The following CDH13 variants were observed in gnomAD, a reference collection of about 807,000 sequenced individuals.
CDH13 encodes cadherin 13.
A neutral mutation model predicts 63.8 loss-of-function variants in CDH13; 24 were observed. That is an observed-to-expected ratio of 0.38 (90% CI 0.27 to 0.53). CDH13 has a LOEUF of 0.53. Among genes scored for constraint, CDH13 ranks in the 20% least tolerant of loss-of-function variants. CDH13 has a pLI of 0.85. For synonymous variants in CDH13, 503 were observed against 355.3 expected, an observed-to-expected ratio of 1.42 and a Z score of -4.67; for missense variants, 1,049 against 903.1, an observed-to-expected ratio of 1.16 and a Z score of -2.07.
At chr16:83,212,085 A>G (rs1477462686) in intron 4 of CDH13, among the ~76,000 whole-genome samples, 2 of 152,032 alleles carry the variant, frequency 1.3e-5, no homozygotes, top group Non-Finnish European at 2.9e-5. Context: ...GATTTCTTAT[A>G]TTTCTTGACA....
rs542428268 is a variant in CDH13 at position 83,273,238 on chromosome 16, T to C, written c.636+55741T>C. 8.7e-4 allele frequency among the ~76,000 whole-genome samples: 132 copies of C among 152,256 alleles called. 1 individual carries two copies. The South Asian group carries it at 9.8e-3, about 11-fold the overall frequency. On this transcript the variant is annotated intron_variant, in intron 5 of 13. Coordinates refer to ENST00000567109, the MANE Select transcript of CDH13 (RefSeq NM_001257.5). ...TGTGCAGGTTTGTTACGTGTATAAA[T>C]TGCATGTCACAGAGGTTTGGTGTAC...
chr16:83,682,260 C>T (rs562870481), intron 10 of CDH13, among the ~76,000 whole-genome samples: 106 of 152,228 alleles, frequency 7.0e-4, no homozygotes, highest in South Asian at 1.7e-3. Context: ...AGACCCACAC[C>T]AGGGAGGCTC....
chr16:83,229,123 A>G (rs969593811), intron 5 of CDH13, among the ~76,000 whole-genome samples: 1 of 152,228 alleles, frequency 6.6e-6, no homozygotes, highest in Non-Finnish European at 1.5e-5. Context: ...ACTCTAAGGA[A>G]GCCTCAGCCT....
At chr16:83,195,814 C>T (rs781005502) in intron 4 of CDH13, among the ~76,000 whole-genome samples, 5 of 152,190 alleles carry the variant, frequency 3.3e-5, no homozygotes, top group Admixed American at 1.3e-4. Flanking sequence ...GATACAGCCA[C>T]ACAAACGTGT....
intron 1 of CDH13, among the ~76,000 whole-genome samples, chr16:82,757,265 C>CT (rs547238217): frequency 1.2e-3 from 186 of 152,294 alleles, no homozygotes; most frequent in Middle Eastern, 0.01. Context: ...GATGTACGCA[C>CT]TTTGAAGATA....
intron 6 of CDH13, among the ~76,000 whole-genome samples, chr16:83,437,369 A>G (rs938666878): frequency 6.6e-6 from 1 of 152,186 alleles, no homozygotes; most frequent in Non-Finnish European, 1.5e-5. Context: ...AATAATGTAC[A>G]TATTCGATTA....
intron 2 of CDH13, among the ~76,000 whole-genome samples, chr16:82,909,075 A>G (rs1358608883): frequency 6.6e-6 from 1 of 152,182 alleles, no homozygotes; most frequent in Non-Finnish European, 1.5e-5. Flanking sequence ...TCATCTCTAG[A>G]TTACTTATGA....
intron 8 of CDH13, among the ~76,000 whole-genome samples, chr16:83,653,849 G>T (rs1005102493): frequency 4.3e-4 from 66 of 152,170 alleles, no homozygotes; most frequent in African/African-American, 1.4e-3. Context: ...CCGCTGCTGT[G>T]TCCGGCATTA....
chr16:82,672,000 A>C (rs1402659584), intron 1 of CDH13, among the ~76,000 whole-genome samples: 1 of 152,176 alleles, frequency 6.6e-6, no homozygotes, highest in African/African-American at 2.4e-5. Context: ...TGCTTTGGAA[A>C]GAATGGCATC....
At chr16:82,700,533 G>A (rs1389006931) in intron 1 of CDH13, among the ~76,000 whole-genome samples, 1 of 151,974 alleles carries the variant, frequency 6.6e-6, no homozygotes, top group African/African-American at 2.4e-5. Flanking sequence ...GTGTGTGTGT[G>A]TGTGTGTGTG....
intron 2 of CDH13, among the ~76,000 whole-genome samples, chr16:82,890,713 A>C (rs1303960411): frequency 2.7e-5 from 4 of 148,194 alleles, no homozygotes; most frequent in African/African-American, 1.0e-4. Flanking sequence ...GTGCAATGGC[A>C]TGATCTTGGC....
chr16:83,070,832 A>G (rs2032375329), intron 3 of CDH13, among the ~76,000 whole-genome samples: 1 of 146,302 alleles, frequency 6.8e-6, no homozygotes, highest in African/African-American at 2.5e-5. Flanking sequence ...AGGCAGGGTT[A>G]GGTTATACTA....
At chr16:83,223,701 G>A (rs1372648793) in intron 5 of CDH13, among the ~76,000 whole-genome samples, 2 of 152,212 alleles carry the variant, frequency 1.3e-5, no homozygotes, top group Non-Finnish European at 2.9e-5. Flanking sequence ...AACCTAGACC[G>A]TAAGCAGGAC....
intron 2 of CDH13, among the ~76,000 whole-genome samples, chr16:82,881,985 C>T (rs1425304504): frequency 6.6e-6 from 1 of 152,112 alleles, no homozygotes; most frequent in Non-Finnish European, 1.5e-5. Flanking sequence ...CTTTCAAGTT[C>T]CCCATTATTA....
At chr16:82,984,969 C>T (rs1032557893) in intron 2 of CDH13, among the ~76,000 whole-genome samples, 7 of 152,146 alleles carry the variant, frequency 4.6e-5, no homozygotes, top group Non-Finnish European at 1.0e-4. Flanking sequence ...AAAGCCAGAA[C>T]ACCTGTGTCT....
At chr16:82,929,648 T>A (rs2151292899) in intron 2 of CDH13, among the ~76,000 whole-genome samples, 1 of 30,286 alleles carries the variant, frequency 3.3e-5, no homozygotes, top group Non-Finnish European at 6.4e-5. Flanking sequence ...TGAGACTCCA[T>A]CTCAAAAAAA....
At chr16:83,207,701 A>C (rs1421313121) in intron 4 of CDH13, among the ~76,000 whole-genome samples, 2 of 151,960 alleles carry the variant, frequency 1.3e-5, no homozygotes, top group Admixed American at 1.3e-4. Context: ...ACATTAGTAT[A>C]TAATTATTTG....
intron 10 of CDH13, among the ~76,000 whole-genome samples, chr16:83,722,414 C>T (rs75581845): frequency 6.6e-6 from 1 of 152,302 alleles, no homozygotes; most frequent in East Asian, 1.9e-4. Flanking sequence ...TTTGCAGGGG[C>T]CAGTTGTTAC....
intron 3 of CDH13, among the ~76,000 whole-genome samples, chr16:83,051,352 T>A (rs8063702): frequency 0.028 from 4,209 of 152,260 alleles, 205 homozygotes; most frequent in African/African-American, 0.096. Flanking sequence ...TTGCAATAGG[T>A]TTACAGGAAT....
Sources: gnomAD v4.1 joint callset for allele counts (sites outside exome capture counted in the v4.1 genomes callset) on GRCh38, gnomAD v4.1.1 for gene constraint, MANE v1.5 for transcripts, NCBI Gene and HGNC (gene_info 2026-07-23, HGNC 2026-07-21) for gene names.